SNTG2: variants seen among roughly 807,000 people sequenced by gnomAD.
SNTG2 encodes syntrophin gamma 2, also known as gamma-2-syntrophin.
In SNTG2, 74 loss-of-function variants were observed where a neutral mutation model predicts 70.9. That is an observed-to-expected ratio of 1.04 (90% CI 0.86 to 1.27). The LOEUF is 1.27. Among genes scored for constraint, SNTG2 ranks in the 50% most tolerant of loss-of-function variants. The pLI is 0.00. For missense variants in SNTG2, 717 were observed against 690.7 expected (o/e 1.04, Z -0.43); for synonymous variants, 278 against 273.8 (o/e 1.02, Z -0.15).
intron 14 of SNTG2, among the ~76,000 whole-genome samples, chr2:1,285,823 T>A (rs781363669): frequency 3.3e-5 from 5 of 152,132 alleles, no homozygotes; most frequent in Non-Finnish European, 7.4e-5. Flanking sequence ...AAACCTTCAT[T>A]CCTGAAGGGT....
intron 9 of SNTG2, among the ~76,000 whole-genome samples, chr2:1,211,461 G>C (rs1433531047): frequency 6.6e-6 from 1 of 152,160 alleles, no homozygotes; most frequent in African/African-American, 2.4e-5. Flanking sequence ...CTGAGGACAG[G>C]ATAGGGTCTC....
At chr2:1,143,499 T>C (rs1345259071) in intron 6 of SNTG2, among the ~76,000 whole-genome samples, 1 of 151,902 alleles carries the variant, frequency 6.6e-6, no homozygotes, top group African/African-American at 2.4e-5. Context: ...GCTGTAACAG[T>C]TTGAAGATGG....
chr2:1,045,289 C>T (rs186045167), intron 1 of SNTG2, among the ~76,000 whole-genome samples: 11 of 151,624 alleles, frequency 7.3e-5, no homozygotes, highest in Admixed American at 4.6e-4. Context: ...CTCTTACTTC[C>T]TTATTTGTCT....
chr2:1,214,722 G>A (rs936597511), intron 9 of SNTG2, among the ~76,000 whole-genome samples: 1 of 152,030 alleles, frequency 6.6e-6, no homozygotes, highest in Non-Finnish European at 1.5e-5. Flanking sequence ...ATTTAGATGT[G>A]TTTTATTTCT....
intron 2 of SNTG2, among the ~76,000 whole-genome samples, chr2:1,085,109 CT>C (rs1338025588): frequency 1.3e-5 from 2 of 152,186 alleles, no homozygotes; most frequent in Admixed American, 1.3e-4. Flanking sequence ...AATCGCATGT[CT>C]GCTTTTATGT....
intron 15 of SNTG2, 100 bp downstream of exon 15, chr2:1,308,686 C>T: frequency 1.0e-6 from 1 of 985,406 alleles, no homozygotes; most frequent in East Asian, 2.6e-5. Context: ...AGCCACCAAC[C>T]TTGCTGGATT....
rs114813077 is a variant in SNTG2, at chr2:1,188,093, G to A, written c.591+14910G>A. On this transcript the variant is annotated intron_variant, in intron 8 of 16. Transcript: ENST00000308624. Reference sequence around the variant, plus strand: ...TGCACCACTGTTGACTGTGTCCAGTGTCTTAGGTTAAGAAAAAACAGACAC... The same window carrying A: ...TGCACCACTGTTGACTGTGTCCAGTATCTTAGGTTAAGAAAAAACAGACAC... Among the ~76,000 whole-genome samples, 913 of 152,338 alleles carry A rather than the reference G, an allele frequency of 6.0e-3. 12 individuals are homozygous for A. The highest frequency in any genetic ancestry group is 9.4e-3 in the Admixed American group (144 of 15,306).
At chr2:974,141 C>T (rs375836112) in intron 1 of SNTG2, among the ~76,000 whole-genome samples, 13 of 152,196 alleles carry the variant, frequency 8.5e-5, no homozygotes, top group Admixed American at 4.6e-4. Flanking sequence ...CGGATGTTAC[C>T]GAGAGTGTTG....
chr2:1,105,358 A>G (rs892841068), intron 4 of SNTG2, among the ~76,000 whole-genome samples: 26 of 152,164 alleles, frequency 1.7e-4, no homozygotes, highest in African/African-American at 6.0e-4. Flanking sequence ...GGTGGTTGCC[A>G]TATGATGTTC....
chr2:984,336 C>T lies in SNTG2; in HGVS notation c.72+33268C>T, dbSNP rs181877887. Among the ~76,000 whole-genome samples the T allele has an allele frequency of 4.6e-5, 7 of 151,096 alleles. No individual in the cohort carries two copies. The East Asian group carries it at 1.4e-3, about 29-fold the overall frequency. On this transcript the variant is annotated intron_variant, in intron 1 of 16. Coordinates refer to ENST00000308624, the MANE Select transcript of SNTG2 (RefSeq NM_018968.4). ...ATGAAAACAAAGGGCAAAATCTCCTCTCTGGTTGGTGATGGAAATGGGAAG... is the reference window on the plus strand; with the variant it reads ...ATGAAAACAAAGGGCAAAATCTCCTTTCTGGTTGGTGATGGAAATGGGAAG...
At chr2:1,243,793 C>T (rs181530591) in intron 11 of SNTG2, among the ~76,000 whole-genome samples, 18 of 152,272 alleles carry the variant, frequency 1.2e-4, no homozygotes, top group Middle Eastern at 3.4e-3. Context: ...ATGAGGGAGC[C>T]GAGGTGGGCA....
At chr2:959,804 C>T (rs1421331031) in intron 1 of SNTG2, among the ~76,000 whole-genome samples, 1 of 151,396 alleles carries the variant, frequency 6.6e-6, no homozygotes, top group Non-Finnish European at 1.5e-5. Flanking sequence ...AAATACATTT[C>T]CTTTATTCCT....
chr2:1,041,101 C>T (rs543347594), intron 1 of SNTG2, among the ~76,000 whole-genome samples: 6 of 152,176 alleles, frequency 3.9e-5, no homozygotes, highest in Admixed American at 1.3e-4. Flanking sequence ...GCATCTGTCC[C>T]GCAGCATGTT....
At chr2:1,253,947 G>T (rs567946972) in intron 12 of SNTG2, among the ~76,000 whole-genome samples, 60 of 150,682 alleles carry the variant, frequency 4.0e-4, no homozygotes, top group Non-Finnish European at 7.5e-4. Context: ...GAAGGAGGAA[G>T]AGAGGAAGGG....
At chr2:1,002,690 CA>C (rs34877197) in intron 1 of SNTG2, among the ~76,000 whole-genome samples, 26,729 of 117,628 alleles carry the variant, frequency 0.23, 2,581 homozygotes, top group Admixed American at 0.31. Flanking sequence ...GAATATTTCT[CA>C]AAAAAAAAAA....
chr2:968,998 G>A (rs1326525069), intron 1 of SNTG2, among the ~76,000 whole-genome samples: 2 of 152,036 alleles, frequency 1.3e-5, no homozygotes, highest in Admixed American at 6.6e-5. Context: ...ATAGTTTTAG[G>A]TTTTACATCT....
intron 9 of SNTG2, among the ~76,000 whole-genome samples, chr2:1,218,717 A>T (rs914151731): frequency 3.3e-5 from 5 of 152,138 alleles, no homozygotes; most frequent in African/African-American, 1.2e-4. Flanking sequence ...GCCCCTGGGG[A>T]AGCAGGTGGT....
At chr2:1,141,679 C>A (rs1192951501) in intron 6 of SNTG2, among the ~76,000 whole-genome samples, 1 of 152,148 alleles carries the variant, frequency 6.6e-6, no homozygotes, top group Non-Finnish European at 1.5e-5. Context: ...AAAGGAAAAG[C>A]CATTCTAGGA....
At chr2:986,359 C>G (rs1329043320) in intron 1 of SNTG2, among the ~76,000 whole-genome samples, 4 of 152,196 alleles carry the variant, frequency 2.6e-5, no homozygotes, top group African/African-American at 9.7e-5. Context: ...GAAAATCTCA[C>G]CTGGAATCAG....
Sources: allele counts gnomAD v4.1 joint callset (sites outside exome capture counted in the v4.1 genomes callset), GRCh38; gene constraint gnomAD v4.1.1; transcripts MANE v1.5; gene names NCBI Gene and HGNC (gene_info 2026-07-23, HGNC 2026-07-21).